The following SHLD1 variants were observed in gnomAD, a reference collection of about 807,000 sequenced individuals.
SHLD1 encodes shieldin complex subunit 1.
Under a neutral mutation model 5.5 loss-of-function variants are expected in SHLD1, and 3 were observed. The ratio of observed to expected loss-of-function variants is 0.54; its 90% CI spans 0.25 to 1.40. SHLD1 has a LOEUF of 1.40. Among genes scored for constraint, SHLD1 ranks in the 40% most tolerant of loss-of-function variants. SHLD1 has a pLI of 0.15. For missense variants in SHLD1, 210 were observed against 244.4 expected (o/e 0.86, Z 0.94); for synonymous variants, 92 against 94.3 (o/e 0.98, Z 0.14).
intron 2 of SHLD1, among the ~76,000 whole-genome samples, chr20:5,784,951 CG>C (rs1314897332): frequency 6.6e-6 from 1 of 152,158 alleles, no homozygotes; most frequent in Non-Finnish European, 1.5e-5. Flanking sequence ...GCCACACCTC[CG>C]GGGCACTTAT....
chr20:5,811,702 A>G (rs550050857), intron 2 of SHLD1, among the ~76,000 whole-genome samples: 1 of 152,214 alleles, frequency 6.6e-6, no homozygotes, highest in African/African-American at 2.4e-5. Context: ...AAAAAAATTT[A>G]AAAATTAGCC....
At chr20:5,784,638 G>GA (rs1488776393) in intron 2 of SHLD1, among the ~76,000 whole-genome samples, 1 of 151,968 alleles carries the variant, frequency 6.6e-6, no homozygotes, top group Non-Finnish European at 1.5e-5. Context: ...TTTTAGTAGA[G>GA]ACGGGGTTTC....
intron 2 of SHLD1, among the ~76,000 whole-genome samples, chr20:5,826,532 G>A (rs991667950): frequency 6.6e-6 from 1 of 151,704 alleles, no homozygotes; most frequent in African/African-American, 2.4e-5. Flanking sequence ...GCTTTCCTTT[G>A]ACAGTCCTCA....
intron 2 of SHLD1, among the ~76,000 whole-genome samples, chr20:5,784,697 G>C: frequency 6.6e-6 from 1 of 152,216 alleles, no homozygotes; most frequent in African/African-American, 2.4e-5. Context: ...TGATCCGCCC[G>C]CCTCAGCCTC....
intron 2 of SHLD1, among the ~76,000 whole-genome samples, chr20:5,829,564 A>G (rs1464741543): frequency 1.3e-5 from 2 of 152,206 alleles, no homozygotes; most frequent in Non-Finnish European, 2.9e-5. Context: ...ATAAACTTAG[A>G]GAAGATTAAC....
At chr20:5,761,652 G>C (rs1984471331) in intron 1 of SHLD1, among the ~76,000 whole-genome samples, 1 of 146,842 alleles carries the variant, frequency 6.8e-6, no homozygotes, top group Non-Finnish European at 1.5e-5. Context: ...TTGTCGCCCA[G>C]GCTGGAGTGC....
intron 2 of SHLD1, among the ~76,000 whole-genome samples, chr20:5,810,731 CA>C (rs1412040736): frequency 2.0e-5 from 3 of 151,876 alleles, no homozygotes; most frequent in Non-Finnish European, 2.9e-5. Context: ...CATGTCTCCA[CA>C]AAAAATACAA....
At chr20:5,786,557 A>G (rs2122290462) in intron 2 of SHLD1, among the ~76,000 whole-genome samples, 1 of 152,028 alleles carries the variant, frequency 6.6e-6, no homozygotes, top group South Asian at 2.1e-4. Flanking sequence ...CCTGAGTGAC[A>G]GAATGAGACC....
chr20:5,818,401 A>C (rs1032860974), intron 2 of SHLD1, among the ~76,000 whole-genome samples: 17 of 152,294 alleles, frequency 1.1e-4, no homozygotes, highest in Admixed American at 7.8e-4. Context: ...ATAGCCATTT[A>C]TAGCAGAAGG....
At position 5,797,558 on chromosome 20, in the gene SHLD1, A is replaced by G. The variant is rs553857661; in HGVS notation, c.178+24515A>G. ...AGTCTGAGTGACAGAGCTAGACTCCATCTCAAAAAAGAAGAAGAAGAATAT... is the reference window on the plus strand; with the variant it reads ...AGTCTGAGTGACAGAGCTAGACTCCGTCTCAAAAAAGAAGAAGAAGAATAT... On this transcript the variant is annotated intron_variant, in intron 2 of 2. Transcript: ENST00000303142. 9.7e-3 allele frequency among the ~76,000 whole-genome samples: 1,031 copies of G among 106,206 alleles called. 11 individuals carry two copies. Among genetic ancestry groups the G allele is most frequent in the African/African-American group, 0.031 (971 of 30,844 alleles). The allele number at this position is 106,206 out of a possible 152,430, so 69.7% of individuals were successfully genotyped here.
rs977422624 is a variant in SHLD1, at chr20:5,855,198, A to G, written c.179-7826A>G. 6.6e-6 allele frequency among the ~76,000 whole-genome samples: 1 copy of G among 151,556 alleles called. No individual in the cohort carries two copies. Among genetic ancestry groups the G allele is most frequent in the Non-Finnish European group, 1.5e-5 (1 of 67,910 alleles). On this transcript the variant is annotated intron_variant, in intron 2 of 2. Coordinates refer to ENST00000303142, the MANE Select transcript of SHLD1 (RefSeq NM_152504.4). This position sits in a 1 kb window ranked among gnomAD's most constrained non-coding sequence, Gnocchi z 4.4. Reference sequence around the variant, plus strand: ...CAACCCTGTCTCTATAAATCTGACCACTTTAGGTACCTCATCTAAGTGGAA... The same window carrying G: ...CAACCCTGTCTCTATAAATCTGACCGCTTTAGGTACCTCATCTAAGTGGAA...
chr20:5,779,200 T>TA (rs58493291), intron 2 of SHLD1, among the ~76,000 whole-genome samples: 2,292 of 125,940 alleles, frequency 0.018, 31 homozygotes, highest in South Asian at 0.026. Context: ...AGACTCTGTC[T>TA]AAAAAAAAAA....
chr20:5,844,784 TA>T (rs1568528930), intron 2 of SHLD1, among the ~76,000 whole-genome samples: 17 of 103,324 alleles, frequency 1.6e-4, no homozygotes, highest in South Asian at 9.1e-4. Context: ...TATATATATA[TA>T]TATATATATA....
At position 5,864,265 on chromosome 20, in the gene SHLD1, C is replaced by T. The variant is rs1257478539; in HGVS notation, c.*802C>T. Among the ~76,000 whole-genome samples, 1 of 152,134 alleles carries T rather than the reference C, an allele frequency of 6.6e-6. No individual in the cohort carries two copies. The highest frequency in any genetic ancestry group is 2.4e-5 in the African/African-American group (1 of 41,420). On this transcript the variant is annotated 3_prime_UTR_variant, in exon 3 of 3. Transcript: ENST00000303142. ...CTCTTGTCTTTTATCAGATTGCAAA[C>T]GTGAAAGGTGAGAAGGTAACAAATG... is the stretch of plus-strand genomic sequence containing the variant.
chr20:5,837,190 A>G (rs374207824), intron 2 of SHLD1, among the ~76,000 whole-genome samples: 12 of 152,206 alleles, frequency 7.9e-5, no homozygotes, highest in South Asian at 6.2e-4. Context: ...ATTGGAGGGT[A>G]TGGGTAAAAT....
At chr20:5,795,886 G>A (rs2122320629) in intron 2 of SHLD1, among the ~76,000 whole-genome samples, 1 of 151,840 alleles carries the variant, frequency 6.6e-6, no homozygotes, top group South Asian at 2.1e-4. Context: ...TCGGGAGGCT[G>A]AGGCAGGAGA....
chr20:5,778,603 TCA>T (rs1491390940), intron 2 of SHLD1, among the ~76,000 whole-genome samples: 12 of 107,964 alleles, frequency 1.1e-4, no homozygotes, highest in African/African-American at 1.7e-4. Context: ...CAAGACCTTG[TCA>T]AAAAAAAAAA....
At chr20:5,780,975 C>G (rs543548642) in intron 2 of SHLD1, among the ~76,000 whole-genome samples, 118 of 152,286 alleles carry the variant, frequency 7.7e-4, no homozygotes, top group African/African-American at 2.7e-3. Flanking sequence ...TTCCAGAAAA[C>G]TACTGGGCTG....
intron 2 of SHLD1, among the ~76,000 whole-genome samples, chr20:5,861,391 A>G (rs138756757): frequency 6.6e-6 from 1 of 152,330 alleles, no homozygotes; most frequent in African/African-American, 2.4e-5. Context: ...TTAGATTCCA[A>G]GTACCTCAGA....
Sources: gnomAD v4.1 joint callset for allele counts (sites outside exome capture counted in the v4.1 genomes callset) on GRCh38, gnomAD v4.1.1 for gene constraint, Gnocchi (gnomAD v3.1) non-coding constraint, MANE v1.5 for transcripts, NCBI Gene and HGNC (gene_info 2026-07-23, HGNC 2026-07-21) for gene names.